Variants in JMJD6 observed in about 807,000 individuals in gnomAD.
The protein encoded by JMJD6 is jumonji domain containing 6, arginine demethylase and lysine hydroxylase.
In JMJD6, 17 loss-of-function variants were observed where a neutral mutation model predicts 45.8. That is an observed-to-expected ratio of 0.37 (90% CI 0.25 to 0.56). The LOEUF is 0.56. JMJD6 is among the 20% of genes least tolerant of loss of function. The pLI is 0.79. For missense variants in JMJD6, 470 were observed against 517.5 expected (o/e 0.91, Z 0.89); for synonymous variants, 221 against 196.3 (o/e 1.13, Z -1.05).
At chr17:76,718,941 GACAGC>G in intron 5 of JMJD6, 81 bp from the exon 6 acceptor site, 1 of 1,387,318 alleles carries the variant, frequency 7.2e-7, no homozygotes, top group Middle Eastern at 1.8e-4. Context: ...GACCTCGGGA[GACAGC>G]ACAGATATTG....
chr17:76,726,341 G>A lies in JMJD6; in HGVS notation c.129+6C>T, dbSNP rs911325073. On this transcript the variant is annotated splice_donor_region_variant and intron_variant, in intron 1 of 5. Transcript: ENST00000397625. The stretch of plus-strand genomic sequence containing the variant: ...CGGCCTGGCCACCCCCGCCCGACCC[G>A]CTCACCGCCACGGCCGCCGGGCTCA... 1.9e-6 allele frequency: 3 copies of A among 1,569,036 alleles called. No homozygotes were observed. The highest frequency in any genetic ancestry group is 2.5e-5 in the East Asian group (1 of 40,156).
chr17:76,722,978 GCT>G (rs200592350), intron 3 of JMJD6, among the ~76,000 whole-genome samples: 5,290 of 117,464 alleles, frequency 0.045, 326 homozygotes, highest in African/African-American at 0.15. Context: ...ATGGAGTTTT[GCT>G]CTGTCACCCA....
chr17:76,720,587 A>G (rs761431847), intron 4 of JMJD6, 89 bp from the exon 5 acceptor site: 2 of 1,350,188 alleles, frequency 1.5e-6, no homozygotes, highest in Non-Finnish European at 2.1e-6. Context: ...TGTCTCTCAG[A>G]AACACCTGGG....
downstream of JMJD6, chr17:76,713,659 C>T (rs2076744565): frequency 6.6e-6 from 1 of 152,226 alleles, no homozygotes; most frequent in East Asian, 1.9e-4. Context: ...GCATTTTTTA[C>T]ATTTACTGCA....
chr17:76,716,779 A>G, downstream of JMJD6: 1 of 1,592,950 alleles, frequency 6.3e-7, no homozygotes, highest in Non-Finnish European at 8.6e-7. Flanking sequence ...GCTGGGTACA[A>G]AGCTGGAAGG....
intron 4 of JMJD6, among the ~76,000 whole-genome samples, chr17:76,720,833 C>T (rs1006282271): frequency 1.3e-5 from 2 of 152,210 alleles, no homozygotes; most frequent in African/African-American, 4.8e-5. Context: ...AGTTTCTCTT[C>T]CTAGTTTTAC....
chr17:76,726,056 C>A (rs969321058), intron 1 of JMJD6, among the ~76,000 whole-genome samples: 1 of 152,186 alleles, frequency 6.6e-6, no homozygotes, highest in African/African-American at 2.4e-5. Context: ...CAGCCAGGTC[C>A]CCTAGGGGAC....
Position 76,718,623 on chromosome 17 carries a change from G to A in JMJD6, c.*106C>T, listed in dbSNP as rs764988143. On this transcript the variant is annotated 3_prime_UTR_variant, in exon 6 of 6. Coordinates refer to ENST00000397625, the MANE Select transcript of JMJD6 (RefSeq NM_015167.3). ...CGTGCCGAGGGTGTCCTCATTCTTG[G>A]GCTCTGTCAGGCCTCCCCTTGTCTG... is the stretch of plus-strand genomic sequence containing the variant. 2 of 1,503,434 alleles carry A rather than the reference G, an allele frequency of 1.3e-6. No individual in the cohort carries two copies. Among genetic ancestry groups the A allele is most frequent in the Non-Finnish European group, 1.8e-6 (2 of 1,130,790 alleles). The allele number at this position is 1,503,434 out of a possible 1,614,324, so 93.1% of individuals were successfully genotyped here.
chr17:76,724,908 A>G (rs1418088361), intron 2 of JMJD6, among the ~76,000 whole-genome samples: 2 of 152,170 alleles, frequency 1.3e-5, no homozygotes, highest in East Asian at 1.9e-4. Flanking sequence ...TCAGTGCTTC[A>G]ACCATAGCTG....
rs747075627 is a variant in JMJD6, at chr17:76,721,785, A to G, written c.941+13T>C. On this transcript the variant is annotated intron_variant, in intron 4 of 5. Transcript: ENST00000397625. ...TTGAAACCAAGCAGAAATAAGAAAAAAATGACTCTCACCTATACCATTTCC... is the reference window on the plus strand; with the variant it reads ...TTGAAACCAAGCAGAAATAAGAAAAGAATGACTCTCACCTATACCATTTCC... 8.1e-6 allele frequency: 13 copies of G among 1,608,416 alleles called. No homozygotes were observed. The highest frequency in any genetic ancestry group is 7.8e-5 in the South Asian group (7 of 90,282).
chr17:76,725,554 C>T lies in JMJD6; in HGVS notation c.431G>A (p.Arg144Lys), dbSNP rs2076907480. 2.5e-6 allele frequency: 4 copies of T among 1,614,016 alleles called. No individual in the cohort carries two copies. Among genetic ancestry groups the T allele is most frequent in the Non-Finnish European group, 3.4e-6 (4 of 1,179,998 alleles). Residue 144 changes from arginine (R) to lysine (K), a missense_variant, in exon 2 of 6, where the codon AGG (arginine) becomes AAG (lysine). Coordinates refer to ENST00000397625, the MANE Select transcript of JMJD6 (RefSeq NM_015167.3). Reference protein sequence around the residue: ...DSSYGEHPKRRKLLEDYKVPK... With the variant: ...DSSYGEHPKRKKLLEDYKVPK... ...CACCTTGTAGTCTTCCAAAAGTTTC[C>T]TTCTTTTAGGGTGTTCACCATAGCT...
intron 3 of JMJD6, among the ~76,000 whole-genome samples, chr17:76,723,494 G>A (rs1162542716): frequency 6.7e-6 from 1 of 149,754 alleles, no homozygotes; most frequent in Non-Finnish European, 1.5e-5. Flanking sequence ...TGGCTGGAGT[G>A]CAGTGGCACG....
chr17:76,718,949 A>G, intron 5 of JMJD6, 89 bp from the exon 6 acceptor site: 1 of 1,310,920 alleles, frequency 7.6e-7, no homozygotes, highest in Admixed American at 2.2e-5. Flanking sequence ...GAGACAGCAC[A>G]GATATTGGTC....
intron 3 of JMJD6, among the ~76,000 whole-genome samples, chr17:76,722,695 A>T (rs2076839913): frequency 6.6e-6 from 1 of 151,724 alleles, no homozygotes; most frequent in Non-Finnish European, 1.5e-5. Context: ...AAATACAAAA[A>T]ATTAGCTGGG....
intron 3 of JMJD6, among the ~76,000 whole-genome samples, 181 bp from the exon 4 acceptor site, chr17:76,722,114 C>A (rs534590065): frequency 6.6e-6 from 1 of 152,198 alleles, no homozygotes; most frequent in Non-Finnish European, 1.5e-5. Context: ...CAAGTTTTAT[C>A]GGAGCACAGC....
chr17:76,722,664 G>A lies in JMJD6; in HGVS notation c.806-731C>T, dbSNP rs536524300. On this transcript the variant is annotated intron_variant, in intron 3 of 5. Coordinates refer to ENST00000397625, the MANE Select transcript of JMJD6 (RefSeq NM_015167.3). ...AGTTCAAGACCAGCCTGGGCAACATGATGAAACCCCGTCTCTACTAAAATA... is the reference window on the plus strand; with the variant it reads ...AGTTCAAGACCAGCCTGGGCAACATAATGAAACCCCGTCTCTACTAAAATA... 2.9e-3 allele frequency among the ~76,000 whole-genome samples: 437 copies of A among 152,040 alleles called. 1 individual carries two copies. Among genetic ancestry groups the A allele is most frequent in the Non-Finnish European group, 5.2e-3 (351 of 67,984 alleles).
rs151026970 is a variant in JMJD6 at position 76,721,172 on chromosome 17, C to T, written c.941+626G>A. 1.7e-4 allele frequency: 40 copies of T among 238,232 alleles called. 1 individual carries two copies. Among genetic ancestry groups the T allele is most frequent in the South Asian group, 1.1e-3 (27 of 24,042 alleles). The allele number at this position is 238,232 out of a possible 1,614,324, so 14.8% of individuals were successfully genotyped here. A position where few individuals can be genotyped will look rare whatever the true frequency, so the allele number is the denominator to read the frequency against. On this transcript the variant is annotated intron_variant, in intron 4 of 5. Transcript: ENST00000397625. ...GGCGGGGTAAGTGGGCCTCAGATGC[C>T]CAAGAGTCCAGGGAGAACAGAAGCC...
intron 2 of JMJD6, 48 bp downstream of exon 2, chr17:76,725,419 A>G (rs2076902051): frequency 1.3e-6 from 2 of 1,485,804 alleles, no homozygotes; most frequent in Admixed American, 2.5e-5. Context: ...AAAAAAAAAA[A>G]AAAAAAAAAG....
chr17:76,718,498 G>C lies in JMJD6; in HGVS notation c.*231C>G, dbSNP rs772469458. On this transcript the variant is annotated 3_prime_UTR_variant, in exon 6 of 6. Coordinates refer to ENST00000397625, the MANE Select transcript of JMJD6 (RefSeq NM_015167.3). ...TTAAATAATGTAAAGGATTTTCTTG[G>C]CACTATTCACATTCTCTTGCCTGAG... 117 of 1,332,512 alleles carry C rather than the reference G, an allele frequency of 8.8e-5. No homozygotes were observed. The highest frequency in any genetic ancestry group is 1.1e-4 in the Non-Finnish European group (115 of 1,045,524). 82.5% of individuals were successfully genotyped at this position (1,332,512 alleles called of 1,614,324 possible).
Sources: allele counts gnomAD v4.1 joint callset (sites outside exome capture counted in the v4.1 genomes callset), GRCh38; gene constraint gnomAD v4.1.1; transcripts MANE v1.5; gene names NCBI Gene and HGNC (gene_info 2026-07-23, HGNC 2026-07-21).